AFAP1L2: variants seen among roughly 807,000 people sequenced by gnomAD.
AFAP1L2 encodes the protein actin filament-associated protein 1-like 2.
AFAP1L2 carries 46 observed loss-of-function variants against 99.3 expected under a neutral mutation model. That is an observed-to-expected ratio of 0.46 (90% CI 0.37 to 0.59). AFAP1L2 has a LOEUF of 0.59. AFAP1L2 is among the 20% of genes least tolerant of loss of function. The pLI, the probability that AFAP1L2 is intolerant of heterozygous loss-of-function variation, is 0.00. For synonymous variants in AFAP1L2, 397 were observed against 419.1 expected, an observed-to-expected ratio of 0.95 and a Z score of 0.64; for missense variants, 959 against 1,034.9, an observed-to-expected ratio of 0.93 and a Z score of 1.01.
Position 114,389,154 on chromosome 10 carries a change from G to C in AFAP1L2, c.16+15286C>G, listed in dbSNP as rs113760570. On this transcript the variant is annotated intron_variant, in intron 1 of 18. Coordinates refer to ENST00000304129, the MANE Select transcript of AFAP1L2 (RefSeq NM_001001936.3). ...TCTTGCCCACACTTGCGAGACCCCA[G>C]GCAGCACCAGGTCCTGCCTCTGGGG... is the stretch of plus-strand genomic sequence containing the variant. Among the ~76,000 whole-genome samples the C allele has an allele frequency of 5.9e-3, 892 of 152,292 alleles. 8 individuals carry two copies. The highest frequency in any genetic ancestry group is 0.019 in the African/African-American group (801 of 41,560).
chr10:114,382,157 T>A (rs1029563117), intron 1 of AFAP1L2, among the ~76,000 whole-genome samples: 1 of 152,238 alleles, frequency 6.6e-6, no homozygotes, highest in African/African-American at 2.4e-5. Flanking sequence ...AGCAATTCTA[T>A]TCTGAGATTT....
At position 114,297,205 on chromosome 10, in the gene AFAP1L2, A is replaced by G. The variant is rs750358461; in HGVS notation, c.2307+15T>C. On this transcript the variant is annotated intron_variant, in intron 17 of 18. Transcript: ENST00000304129. ...GCCCTGCAAGCAGCCCAGAGGCCGC[A>G]GTTCCAGCACTCACGCGGGGGCTCA... 3 of 1,372,774 alleles carry G rather than the reference A, an allele frequency of 2.2e-6. No homozygotes were observed. The South Asian group carries it at 3.4e-5, about 16-fold the overall frequency. The allele number at this position is 1,372,774 out of a possible 1,614,324, so 85.0% of individuals were successfully genotyped here.
At chr10:114,391,303 T>A (rs1396146020) in intron 1 of AFAP1L2, among the ~76,000 whole-genome samples, 1 of 152,124 alleles carries the variant, frequency 6.6e-6, no homozygotes, top group Non-Finnish European at 1.5e-5. Context: ...CACTGCAACC[T>A]CTACCTCCTG....
At chr10:114,395,224 T>C (rs1405653571) in intron 1 of AFAP1L2, among the ~76,000 whole-genome samples, 1 of 152,222 alleles carries the variant, frequency 6.6e-6, no homozygotes, top group African/African-American at 2.4e-5. Flanking sequence ...ATTCAAAGAA[T>C]GTGCTAGAAT....
chr10:114,326,420 T>TA (rs1265998867), intron 4 of AFAP1L2, among the ~76,000 whole-genome samples: 1 of 152,210 alleles, frequency 6.6e-6, no homozygotes, highest in African/African-American at 2.4e-5. Flanking sequence ...TATTTTAATA[T>TA]AAAATATTGG....
At chr10:114,395,801 C>T (rs566254741) in intron 1 of AFAP1L2, among the ~76,000 whole-genome samples, 19 of 152,274 alleles carry the variant, frequency 1.2e-4, no homozygotes, top group African/African-American at 4.6e-4. Context: ...CTCATAAGCT[C>T]CCAGCTTCTC....
chr10:114,284,825 C>G, the AFAP1L2 span: 2 of 1,562,590 alleles, frequency 1.3e-6, no homozygotes, highest in African/African-American at 1.4e-5. Context: ...CTCCTCTGTG[C>G]TGCGGTGCTT....
intron 1 of AFAP1L2, among the ~76,000 whole-genome samples, chr10:114,384,184 G>A (rs543025121): frequency 6.6e-6 from 1 of 152,324 alleles, no homozygotes; most frequent in Admixed American, 6.5e-5. Flanking sequence ...GTGCGTGAGA[G>A]GCACCATCAT....
intron 1 of AFAP1L2, among the ~76,000 whole-genome samples, chr10:114,395,038 A>G (rs949028149): frequency 1.3e-5 from 2 of 152,134 alleles, no homozygotes; most frequent in Admixed American, 6.5e-5. Context: ...AACATGCCAA[A>G]GACATGTGAT....
intron 1 of AFAP1L2, among the ~76,000 whole-genome samples, chr10:114,376,290 G>A (rs116941708): frequency 1.3e-5 from 2 of 152,090 alleles, no homozygotes; most frequent in Non-Finnish European, 2.9e-5. Context: ...CCTTGTGCTC[G>A]GATCCAGAGG....
At chr10:114,320,574 C>G (rs1032230759) in intron 5 of AFAP1L2, among the ~76,000 whole-genome samples, 3 of 152,206 alleles carry the variant, frequency 2.0e-5, no homozygotes, top group Non-Finnish European at 4.4e-5. Context: ...CCTCCCACCT[C>G]GCAGCTGGTT....
intron 5 of AFAP1L2, chr10:114,319,553 A>ATC: frequency 7.8e-7 from 1 of 1,289,232 alleles, no homozygotes; most frequent in Non-Finnish European, 1.0e-6. Flanking sequence ...CTCGGGGAGT[A>ATC]AGCAGTACCC....
At chr10:114,390,782 C>T (rs774520211) in intron 1 of AFAP1L2, among the ~76,000 whole-genome samples, 73 of 152,098 alleles carry the variant, frequency 4.8e-4, no homozygotes, top group East Asian at 3.9e-4. Context: ...CCTATACTCC[C>T]TCAGCTCTGC....
chr10:114,294,910 TAAG>T lies in AFAP1L2; in HGVS notation c.*1129_*1131del, dbSNP rs71007468. The T allele has an allele frequency of 0.072, 69,996 of 976,554 alleles. 2,863 individuals are homozygous for T. The highest frequency in any genetic ancestry group is 0.26 in the East Asian group (2,254 of 8,574). The allele number at this position is 976,554 out of a possible 1,614,324, so 60.5% of individuals were successfully genotyped here. On this transcript the variant is annotated 3_prime_UTR_variant, in exon 19 of 19. Coordinates refer to ENST00000304129, the MANE Select transcript of AFAP1L2 (RefSeq NM_001001936.3). The stretch of plus-strand genomic sequence containing the variant: ...CACCAAATGTTTATGAGAGAGGAAA[TAAG>T]AATAAAAAAGACATTTAGTTCTCAG...
In AFAP1L2 at chr10:114,401,880, C is replaced by A. The variant is rs192552836; in HGVS notation, c.16+2560G>T. On this transcript the variant is annotated intron_variant, in intron 1 of 18. Transcript: ENST00000304129. ...AAGCAGGCTAAGGAACATGGAAAGACAATTTCTCCTACATGAACTGCTTTA... is the reference window on the plus strand; with the variant it reads ...AAGCAGGCTAAGGAACATGGAAAGAAAATTTCTCCTACATGAACTGCTTTA... Among the ~76,000 whole-genome samples, 8 of 152,290 alleles carry A rather than the reference C, an allele frequency of 5.3e-5. No homozygotes were observed. The East Asian group carries it at 1.2e-3, about 22-fold the overall frequency.
At chr10:114,284,761 C>A in the AFAP1L2 span, 2 of 1,097,632 alleles carry the variant, frequency 1.8e-6, no homozygotes, top group Non-Finnish European at 2.6e-6. Flanking sequence ...AGGGGCTGGG[C>A]CACTGCTAGA....
rs1331668065 is a variant in AFAP1L2 at position 114,296,019 on chromosome 10, A to T, written c.*23T>A. ...TCACCAAGGTCCACATTGACATGAG[A>T]GTCTTTAGATGAAGCTTGTTTTCTA... On this transcript the variant is annotated 3_prime_UTR_variant, in exon 19 of 19. Coordinates refer to ENST00000304129, the MANE Select transcript of AFAP1L2 (RefSeq NM_001001936.3). 1 of 1,614,126 alleles carries T rather than the reference A, an allele frequency of 6.2e-7. No individual in the cohort carries two copies. Among genetic ancestry groups the T allele is most frequent in the Admixed American group, 1.7e-5 (1 of 60,032 alleles).
At chr10:114,285,903 A>G in the AFAP1L2 span, 8 of 1,545,960 alleles carry the variant, frequency 5.2e-6, no homozygotes, top group South Asian at 2.5e-5. Context: ...CCGCATGACC[A>G]TGGCTTGACA....
intron 1 of AFAP1L2, among the ~76,000 whole-genome samples, chr10:114,384,330 C>A (rs547859654): frequency 5.3e-5 from 8 of 151,730 alleles, no homozygotes; most frequent in South Asian, 4.2e-4. Context: ...GTCGTCCCCC[C>A]CCCGCTGCAA....
Sources: gnomAD v4.1 joint callset for allele counts (sites outside exome capture counted in the v4.1 genomes callset) on GRCh38, gnomAD v4.1.1 for gene constraint, MANE v1.5 for transcripts, NCBI Gene and HGNC (gene_info 2026-07-23, HGNC 2026-07-21) for gene names.